GRIP1: variants seen among roughly 807,000 people sequenced by gnomAD.
GRIP1 encodes glutamate receptor interacting protein 1.
Under a neutral mutation model 129.9 loss-of-function variants are expected in GRIP1, and 45 were observed. The ratio of observed to expected loss-of-function variants is 0.35; its 90% CI spans 0.27 to 0.44. GRIP1 has a LOEUF of 0.44. Among genes scored for constraint, GRIP1 ranks in the 20% least tolerant of loss-of-function variants. The pLI, the probability that GRIP1 is intolerant of heterozygous loss-of-function variation, is 1.00. For synonymous variants in GRIP1, 530 were observed against 520.8 expected, an observed-to-expected ratio of 1.02 and a Z score of -0.24; for missense variants, 1,196 against 1,396.8, an observed-to-expected ratio of 0.86 and a Z score of 2.29.
chr12:66,728,445 G>A lies in GRIP1; in HGVS notation c.-420+75608C>T, dbSNP rs576683889. On this transcript the variant is annotated intron_variant, in intron 1 of 4. Coordinates refer to the GRIP1 transcript ENST00000538373. ...CTGCCAAACTCTAAGATGGCCTCCT[G>A]ACATCCAGCCATCACACCCGTATTC... 2.1e-3 allele frequency among the ~76,000 whole-genome samples: 318 copies of A among 152,214 alleles called. 1 individual carries two copies. Among genetic ancestry groups the A allele is most frequent in the African/African-American group, 6.8e-3 (283 of 41,530 alleles).
chr12:66,456,849 T>C (rs973804925), intron 9 of GRIP1, among the ~76,000 whole-genome samples: 1 of 152,196 alleles, frequency 6.6e-6, no homozygotes, highest in Non-Finnish European at 1.5e-5. Context: ...GACATTTTAA[T>C]TGCACTACAA....
At chr12:67,029,923 G>A (rs988661071) in intron 1 of GRIP1, among the ~76,000 whole-genome samples, 1 of 151,914 alleles carries the variant, frequency 6.6e-6, no homozygotes, top group African/African-American at 2.4e-5. Context: ...AAATCGGCCT[G>A]GCGCGGTGGC....
At chr12:66,886,462 C>A (rs535182150) in intron 1 of GRIP1, among the ~76,000 whole-genome samples, 1 of 152,270 alleles carries the variant, frequency 6.6e-6, no homozygotes, top group Non-Finnish European at 1.5e-5. Flanking sequence ...AGCCCAGTTA[C>A]AACCTGCCCC....
At chr12:66,424,045 G>A (rs112500128) in intron 14 of GRIP1, among the ~76,000 whole-genome samples, 58 of 152,010 alleles carry the variant, frequency 3.8e-4, no homozygotes, top group African/African-American at 1.2e-3. Context: ...ATTCAAACTC[G>A]TCACTTGTAT....
At chr12:66,884,628 G>T (rs570900679) in intron 1 of GRIP1, among the ~76,000 whole-genome samples, 188 of 152,160 alleles carry the variant, frequency 1.2e-3, no homozygotes, top group Middle Eastern at 6.8e-3. Flanking sequence ...AAATGTAAAT[G>T]GATTATAAAA....
At chr12:66,964,949 A>G (rs767769711) in intron 1 of GRIP1, among the ~76,000 whole-genome samples, 10 of 151,890 alleles carry the variant, frequency 6.6e-5, no homozygotes, top group Non-Finnish European at 1.2e-4. Context: ...GTGTGTCCAA[A>G]TTTCCTCTTC....
chr12:67,061,322 G>A (rs2043532656), intron 1 of GRIP1, among the ~76,000 whole-genome samples: 1 of 152,150 alleles, frequency 6.6e-6, no homozygotes, highest in South Asian at 2.1e-4. Flanking sequence ...TACATTAATA[G>A]CTTTCACCTC....
At chr12:66,990,570 G>A (rs2042379158) in intron 1 of GRIP1, among the ~76,000 whole-genome samples, 1 of 152,212 alleles carries the variant, frequency 6.6e-6, no homozygotes, top group Non-Finnish European at 1.5e-5. Context: ...TGAGGCTCAT[G>A]TAATACTCAC....
intron 1 of GRIP1, among the ~76,000 whole-genome samples, chr12:66,862,738 GATGAATCCCATCTATAAATTTCC>G (rs1592911480): frequency 6.6e-6 from 1 of 151,956 alleles, no homozygotes; most frequent in Non-Finnish European, 1.5e-5. Context: ...ACCTCCGAGG[GATGAATCCCATCTATAAATTTCC>G]ATGCCTAAGG....
Position 67,025,429 on chromosome 12 carries a change from C to T in GRIP1, c.58+43621G>A, listed in dbSNP as rs546105309. On this transcript the variant is annotated intron_variant, in intron 1 of 1. Coordinates refer to the GRIP1 transcript ENST00000643019. ...ATGAAAAAAACTGCAATTTGGAGAA[C>T]AGGAAACTTATTAAAAACTAAGAAA... Among the ~76,000 whole-genome samples the T allele has an allele frequency of 2.7e-4, 38 of 138,434 alleles. No individual in the cohort carries two copies. In the South Asian group the frequency reaches 0.011, roughly 39 times the overall value. 90.8% of individuals were successfully genotyped at this position (138,434 alleles called of 152,430 possible). A position where few individuals can be genotyped will look rare whatever the true frequency, so the allele number is the denominator to read the frequency against.
intron 1 of GRIP1, among the ~76,000 whole-genome samples, chr12:66,936,517 T>C (rs781416510): frequency 4.8e-4 from 73 of 152,142 alleles, no homozygotes; most frequent in Non-Finnish European, 7.8e-4. Flanking sequence ...TCTCTTCATT[T>C]TATTGGTTCT....
intron 4 of GRIP1, among the ~76,000 whole-genome samples, chr12:66,537,908 C>G (rs113798687): frequency 2.0e-5 from 3 of 152,162 alleles, no homozygotes; most frequent in Admixed American, 1.3e-4. Context: ...AAACTGGTGC[C>G]GCTGTTCTTC....
intron 1 of GRIP1, among the ~76,000 whole-genome samples, chr12:66,658,104 T>C (rs7955786): frequency 0.44 from 66,542 of 151,924 alleles, 14,782 homozygotes; most frequent in Non-Finnish European, 0.47. Flanking sequence ...TTTCAAAAGT[T>C]AATAAACATA....
chr12:66,450,165 G>T (rs944110541), intron 11 of GRIP1, among the ~76,000 whole-genome samples: 1 of 151,694 alleles, frequency 6.6e-6, no homozygotes. Flanking sequence ...TTAGCCGGGC[G>T]TGGTGGCAGG....
intron 2 of GRIP1, among the ~76,000 whole-genome samples, chr12:66,543,183 G>A (rs911378653): frequency 6.6e-5 from 10 of 152,180 alleles, no homozygotes; most frequent in South Asian, 4.2e-4. Context: ...GGGACGGCAG[G>A]CTACTTATTT....
intron 15 of GRIP1, among the ~76,000 whole-genome samples, chr12:66,407,931 G>A (rs113878350): frequency 8.0e-4 from 122 of 152,290 alleles, no homozygotes; most frequent in African/African-American, 2.7e-3. Flanking sequence ...AACTCCCAGA[G>A]AGAGTCCTTC....
At chr12:66,451,695 A>G (rs530755342) in intron 11 of GRIP1, among the ~76,000 whole-genome samples, 1 of 152,010 alleles carries the variant, frequency 6.6e-6, no homozygotes, top group East Asian at 1.9e-4. Flanking sequence ...TTTATTATTG[A>G]TCCTGTAATC....
intron 1 of GRIP1, among the ~76,000 whole-genome samples, chr12:66,747,794 T>C (rs1267603186): frequency 1.3e-5 from 2 of 152,170 alleles, no homozygotes; most frequent in Non-Finnish European, 2.9e-5. Flanking sequence ...ACAGAGTGTC[T>C]GGCTCAATAA....
chr12:66,361,855 C>T (rs564704245), intron 23 of GRIP1, among the ~76,000 whole-genome samples: 255 of 152,292 alleles, frequency 1.7e-3, no homozygotes, highest in African/African-American at 5.4e-3. Flanking sequence ...TGTGGGCCTC[C>T]TTGACTCAGG....
Sources: allele counts gnomAD v4.1 joint callset (sites outside exome capture counted in the v4.1 genomes callset), GRCh38; gene constraint gnomAD v4.1.1; transcripts MANE v1.5; gene names NCBI Gene and HGNC (gene_info 2026-07-23, HGNC 2026-07-21).